Variants in USH2A observed in about 807,000 individuals in gnomAD.
USH2A encodes Usher syndrome 2A (autosomal recessive, mild).
In USH2A, 443 loss-of-function variants were observed where a neutral mutation model predicts 538.9. The ratio of observed to expected loss-of-function variants is 0.82; its 90% CI spans 0.76 to 0.89. The LOEUF (loss-of-function observed/expected upper bound fraction) is 0.89, where lower values mean the gene tolerates loss of function less well. Ranked by LOEUF, USH2A falls within the 40% of genes least tolerant of loss-of-function variation. The pLI is 0.00. For missense variants in USH2A, 6,633 were observed against 6,324.8 expected, an observed-to-expected ratio of 1.05 and a Z score of -1.65; for synonymous variants, 2,413 against 2,273.5, an observed-to-expected ratio of 1.06 and a Z score of -1.75.
Position 215,676,757 on chromosome 1 carries a change from T to C in USH2A, c.12295-1141A>G, listed in dbSNP as rs569789415. On this transcript the variant is annotated intron_variant, in intron 62 of 71. Transcript: ENST00000307340. ...TCTTCTGAAGGGAGCATAGGTTCCA[T>C]AACTAGCTTGCAGCCTCTGTGACCC... is the stretch of plus-strand genomic sequence containing the variant. Among the ~76,000 whole-genome samples, 6 of 151,062 alleles carry C rather than the reference T, an allele frequency of 4.0e-5. 1 individual carries two copies. The Middle Eastern group carries it at 0.01, about 259-fold the overall frequency.
chr1:216,197,027 AC>A (rs2102461425), intron 18 of USH2A, among the ~76,000 whole-genome samples: 1 of 152,276 alleles, frequency 6.6e-6, no homozygotes, highest in African/African-American at 2.4e-5. Flanking sequence ...TATAAGTCTT[AC>A]GAGTATCTAA....
chr1:215,769,916 C>A (rs566984040), intron 55 of USH2A, among the ~76,000 whole-genome samples: 2 of 152,292 alleles, frequency 1.3e-5, no homozygotes, highest in Admixed American at 6.5e-5. Flanking sequence ...TACTCTAATT[C>A]ATTGGCACTT....
chr1:215,797,982 T>G (rs1662192813), intron 50 of USH2A, among the ~76,000 whole-genome samples: 1 of 152,300 alleles, frequency 6.6e-6, no homozygotes, highest in Admixed American at 6.5e-5. Flanking sequence ...TATTCATGAT[T>G]CATGGGAAGA....
At chr1:216,383,383 T>A (rs763922517) in intron 3 of USH2A, among the ~76,000 whole-genome samples, 1 of 152,220 alleles carries the variant, frequency 6.6e-6, no homozygotes, top group Non-Finnish European at 1.5e-5. Flanking sequence ...TAGAGATGTA[T>A]GTTATGAAAG....
intron 21 of USH2A, among the ~76,000 whole-genome samples, chr1:216,163,539 T>C (rs1194135627): frequency 2.0e-5 from 3 of 152,046 alleles, no homozygotes; most frequent in Non-Finnish European, 4.4e-5. Context: ...AATATTTGAT[T>C]GAATGCCCGA....
At chr1:216,247,288 G>T in intron 12 of USH2A, 62 bp from the exon 13 acceptor site, 1 of 1,594,118 alleles carries the variant, frequency 6.3e-7, no homozygotes, top group Non-Finnish European at 8.6e-7. Flanking sequence ...AGATAGACGA[G>T]ACACAAACAA....
intron 37 of USH2A, among the ~76,000 whole-genome samples, chr1:215,937,888 C>T (rs1666546935): frequency 6.6e-6 from 1 of 151,930 alleles, no homozygotes. Context: ...TTGCATTTTG[C>T]TTGTTTGTTT....
Position 215,863,698 on chromosome 1 carries a change from G to C in USH2A, c.8845+3309C>G, listed in dbSNP as rs548873976. ...AAGAAGAGAAATAGACAAATGGCCA[G>C]GCATGGTCCCTTATGGCTGTAATTC... is the stretch of plus-strand genomic sequence containing the variant. On this transcript the variant is annotated intron_variant, in intron 44 of 71. Transcript: ENST00000307340. Among the ~76,000 whole-genome samples, 9 of 152,224 alleles carry C rather than the reference G, an allele frequency of 5.9e-5. No homozygotes were observed. The South Asian group carries it at 1.2e-3, about 21-fold the overall frequency.
intron 47 of USH2A, among the ~76,000 whole-genome samples, chr1:215,828,050 C>A (rs1663204826): frequency 6.6e-6 from 1 of 152,074 alleles, no homozygotes; most frequent in Non-Finnish European, 1.5e-5. Flanking sequence ...AAAAGTATAT[C>A]ATAGCATGTC....
At chr1:215,896,235 G>A (rs1665335773) in intron 40 of USH2A, among the ~76,000 whole-genome samples, 5 of 151,732 alleles carry the variant, frequency 3.3e-5, no homozygotes, top group Middle Eastern at 3.4e-3. Flanking sequence ...ACAAATTTGG[G>A]AAACGATCAA....
At chr1:215,950,504 C>CTT (rs11326101) in intron 37 of USH2A, among the ~76,000 whole-genome samples, 35 of 131,236 alleles carry the variant, frequency 2.7e-4, no homozygotes, top group East Asian at 9.4e-4. Context: ...TAATTGCTAC[C>CTT]TTTTTTTTTT....
chr1:216,098,391 GA>G (rs1169528467), intron 21 of USH2A, among the ~76,000 whole-genome samples: 1 of 152,182 alleles, frequency 6.6e-6, no homozygotes, highest in African/African-American at 2.4e-5. Flanking sequence ...ACACAATAGT[GA>G]ATAATGAATG....
intron 43 of USH2A, among the ~76,000 whole-genome samples, chr1:215,870,459 T>C (rs1428895695): frequency 1.3e-5 from 1 of 77,286 alleles, no homozygotes; most frequent in Non-Finnish European, 2.4e-5. Context: ...CACTCCTAGC[T>C]TTTTTTTTTT....
intron 21 of USH2A, among the ~76,000 whole-genome samples, chr1:216,153,484 C>G (rs1224148383): frequency 1.3e-5 from 2 of 152,222 alleles, no homozygotes; most frequent in Admixed American, 1.3e-4. Flanking sequence ...TCCCATTTCA[C>G]TGGAGCCCAA....
chr1:216,313,331 CTA>C (rs2037454448), intron 9 of USH2A, among the ~76,000 whole-genome samples: 1 of 152,096 alleles, frequency 6.6e-6, no homozygotes, highest in Non-Finnish European at 1.5e-5. Context: ...GACCCCTGTT[CTA>C]TGATTCTAGG....
At chr1:216,102,215 C>T (rs889999179) in intron 21 of USH2A, among the ~76,000 whole-genome samples, 1 of 151,444 alleles carries the variant, frequency 6.6e-6, no homozygotes, top group Non-Finnish European at 1.5e-5. Flanking sequence ...TGGTCGGTAT[C>T]ATTAGTCATC....
intron 58 of USH2A, among the ~76,000 whole-genome samples, chr1:215,752,854 A>G (rs1006240712): frequency 6.6e-6 from 1 of 152,230 alleles, no homozygotes; most frequent in African/African-American, 2.4e-5. Context: ...AAAAGAAACT[A>G]CCATCAGAGT....
At chr1:216,029,172 A>T (rs1669035044) in intron 32 of USH2A, among the ~76,000 whole-genome samples, 2 of 151,850 alleles carry the variant, frequency 1.3e-5, no homozygotes, top group South Asian at 4.1e-4. Context: ...AAAAATTAAG[A>T]CTCTCTCCAC....
rs1002170789 is a variant in USH2A, at chr1:216,070,243, G to A, written c.5907C>T (p.Tyr1969=). The part of the protein sequence containing the change: ...TPSRVRSLNG[Y]SIEVTWDEPV... ...GTTCATCCCAGGTCACCTCAATGCTGTATCCATTTAAGCTGCGGACTCTTG... is the reference window on the plus strand; with the variant it reads ...GTTCATCCCAGGTCACCTCAATGCTATATCCATTTAAGCTGCGGACTCTTG... Residue 1969 remains tyrosine (Y), a synonymous_variant, in exon 30 of 72, where the codon TAC becomes TAT. Coordinates refer to ENST00000307340, the MANE Select transcript of USH2A (RefSeq NM_206933.4). 1.2e-6 allele frequency: 2 copies of A among 1,613,944 alleles called. No homozygotes were observed. The highest frequency in any genetic ancestry group is 2.2e-5 in the South Asian group (2 of 91,078).
Sources: gnomAD v4.1 joint callset for allele counts (sites outside exome capture counted in the v4.1 genomes callset) on GRCh38, gnomAD v4.1.1 for gene constraint, MANE v1.5 for transcripts, NCBI Gene and HGNC (gene_info 2026-07-23, HGNC 2026-07-21) for gene names.